The following DENND2B variants were observed in gnomAD, a reference collection of about 807,000 sequenced individuals.
DENND2B encodes DENN domain-containing protein 2B.
Under a neutral mutation model 116.0 loss-of-function variants are expected in DENND2B, and 32 were observed. The observed-to-expected ratio is 0.28, with a 90% confidence interval of 0.21 to 0.37. The LOEUF (loss-of-function observed/expected upper bound fraction) is 0.37, where lower values mean the gene tolerates loss of function less well. Ranked by LOEUF, DENND2B falls within the 10% of genes least tolerant of loss-of-function variation. The pLI, the probability that DENND2B is intolerant of heterozygous loss-of-function variation, is 1.00. For missense variants in DENND2B, 1,276 were observed against 1,477.7 expected (o/e 0.86, Z 2.24); for synonymous variants, 588 against 583.9 (o/e 1.01, Z -0.10).
chr11:8,785,764 T>C (rs1434661128), intron 1 of DENND2B: 2 of 152,228 alleles, frequency 1.3e-5, no homozygotes, highest in South Asian at 2.1e-4. Context: ...CATTTGTACA[T>C]GGAAGGAAAG....
chr11:8,887,279 C>T (rs2063972271), intron 1 of DENND2B, among the ~76,000 whole-genome samples: 1 of 152,150 alleles, frequency 6.6e-6, no homozygotes, highest in African/African-American at 2.4e-5. Flanking sequence ...CTTCTCATTT[C>T]ACAAGTGCTA....
At chr11:8,734,951 T>G (rs1215232973) in intron 2 of DENND2B, among the ~76,000 whole-genome samples, 1 of 127,646 alleles carries the variant, frequency 7.8e-6, no homozygotes, top group African/African-American at 3.1e-5. Flanking sequence ...AGTAATCACC[T>G]GGGAAATTTG....
intron 1 of DENND2B, among the ~76,000 whole-genome samples, chr11:8,800,552 T>C (rs2060225976): frequency 6.6e-6 from 1 of 152,158 alleles, no homozygotes; most frequent in South Asian, 2.1e-4. Context: ...AAAATAACCT[T>C]ACATTGTAAA....
At chr11:8,701,910 C>T (rs1331938942) in intron 14 of DENND2B, among the ~76,000 whole-genome samples, 4 of 152,084 alleles carry the variant, frequency 2.6e-5, no homozygotes, top group Non-Finnish European at 5.9e-5. Flanking sequence ...CTTACTCCTC[C>T]TAAACCAGCT....
At chr11:8,709,654 G>A (rs370798935) in intron 11 of DENND2B, among the ~76,000 whole-genome samples, 9 of 152,278 alleles carry the variant, frequency 5.9e-5, no homozygotes, top group African/African-American at 1.7e-4. Context: ...TGATCCAAGA[G>A]TACAAATTGG....
intron 1 of DENND2B, among the ~76,000 whole-genome samples, chr11:8,777,371 T>C (rs2057859132): frequency 6.6e-6 from 1 of 152,228 alleles, no homozygotes; most frequent in Admixed American, 6.5e-5. Flanking sequence ...AATGTTGCTA[T>C]ATCAATGACT....
chr11:8,726,285 C>G (rs895094204), intron 3 of DENND2B, 76 bp from the exon 4 acceptor site: 1 of 1,528,920 alleles, frequency 6.5e-7, no homozygotes, highest in Non-Finnish European at 8.8e-7. Context: ...TCCATGGCAA[C>G]AGCAAAGACC....
intron 2 of DENND2B, among the ~76,000 whole-genome samples, chr11:8,867,003 A>C (rs941375461): frequency 2.6e-5 from 4 of 152,110 alleles, no homozygotes; most frequent in Non-Finnish European, 5.9e-5. Context: ...ACCATGGGTG[A>C]CTCTAACATT....
intron 3 of DENND2B, among the ~76,000 whole-genome samples, chr11:8,849,173 C>T (rs2134639878): frequency 6.6e-6 from 1 of 152,172 alleles, no homozygotes; most frequent in South Asian, 2.1e-4. Flanking sequence ...ACAGTCACTG[C>T]TAAGCACTAG....
chr11:8,758,756 G>A (rs765041053), intron 1 of DENND2B, among the ~76,000 whole-genome samples: 7 of 152,116 alleles, frequency 4.6e-5, no homozygotes, highest in East Asian at 1.9e-4. Context: ...TCCCTCCACC[G>A]CAGCGCTGTG....
At chr11:8,748,474 T>G (rs1565832131) in intron 2 of DENND2B, among the ~76,000 whole-genome samples, 2 of 152,174 alleles carry the variant, frequency 1.3e-5, no homozygotes, top group East Asian at 3.9e-4. Flanking sequence ...CACCCAGATG[T>G]GGCCAGGGGT....
intron 14 of DENND2B, among the ~76,000 whole-genome samples, chr11:8,701,346 G>GGA (rs2041594576): frequency 1.7e-4 from 6 of 34,572 alleles, no homozygotes; most frequent in African/African-American, 6.2e-4. Context: ...CCAGCTTCCG[G>GGA]GGGGGGGGGG....
intron 2 of DENND2B, among the ~76,000 whole-genome samples, chr11:8,739,948 GGCCAAGGTGGGAAGATCACTTGA>G: frequency 6.6e-6 from 1 of 152,288 alleles, no homozygotes; most frequent in East Asian, 1.9e-4. Flanking sequence ...CAATTTGAGA[GGCCAAGGTGGGAAGATCACTTGA>G]GCCCAGGAGT....
At chr11:8,756,565 A>T (rs533936418) in intron 1 of DENND2B, among the ~76,000 whole-genome samples, 30 of 152,202 alleles carry the variant, frequency 2.0e-4, no homozygotes, top group Non-Finnish European at 4.3e-4. Context: ...ATGCCTACTC[A>T]CCAGCCTCCC....
chr11:8,876,830 G>T (rs529441736), intron 2 of DENND2B, among the ~76,000 whole-genome samples: 5 of 149,456 alleles, frequency 3.3e-5, no homozygotes, highest in Non-Finnish European at 5.9e-5. Flanking sequence ...AGTGAGCCAA[G>T]ATTGTGCCAC....
chr11:8,746,606 A>C (rs1465788874), intron 2 of DENND2B, among the ~76,000 whole-genome samples: 1 of 152,192 alleles, frequency 6.6e-6, no homozygotes, highest in Non-Finnish European at 1.5e-5. Flanking sequence ...GATTTGTCTT[A>C]GTTGGGTGGT....
chr11:8,882,762 T>A (rs959474773), intron 1 of DENND2B, among the ~76,000 whole-genome samples: 1 of 151,894 alleles, frequency 6.6e-6, no homozygotes, highest in African/African-American at 2.4e-5. Flanking sequence ...CCAAGGTGAG[T>A]GGACTGCTTG....
At position 8,729,977 on chromosome 11, in the gene DENND2B, A is replaced by G. The variant is rs752262063; in HGVS notation, c.1313T>C (p.Met438Thr). 5 of 1,614,116 alleles carry G rather than the reference A, an allele frequency of 3.1e-6. No individual in the cohort carries two copies. In the East Asian group the frequency reaches 6.7e-5, roughly 22 times the overall value. The change falls in exon 3 of 20, where the codon ATG becomes ACG. Residue 438 changes from methionine (M) to threonine (T), a missense_variant. By Grantham distance (81) the Met-to-Thr change is moderately conservative. This residue lies in a region of DENND2B where 856 missense variants were observed against 846.6 expected (regional missense o/e 1.01). Coordinates refer to ENST00000313726, the MANE Select transcript of DENND2B (RefSeq NM_213618.2). ...GCTCTGGGACTTGCGGTGACCACGCATGTCCTTCTTGGGTCTCCGGGTGAC... is the reference window on the plus strand; with the variant it reads ...GCTCTGGGACTTGCGGTGACCACGCGTGTCCTTCTTGGGTCTCCGGGTGAC... ...PPVTRRPKKD[M>T]RGHRKSQSRK...
chr11:8,726,044 A>T, intron 4 of DENND2B, 29 bp downstream of exon 4: 1 of 1,613,408 alleles, frequency 6.2e-7, no homozygotes, highest in Non-Finnish European at 8.5e-7. Flanking sequence ...CCCTGAGATG[A>T]CCCAGGTGCC....
Sources: allele counts gnomAD v4.1 joint callset (sites outside exome capture counted in the v4.1 genomes callset), GRCh38; gene constraint gnomAD v4.1.1; regional missense constraint gnomAD v4.1.1; transcripts MANE v1.5; gene names NCBI Gene and HGNC (gene_info 2026-07-23, HGNC 2026-07-21).